Variants in EPHA5 observed in about 807,000 individuals in gnomAD.
The protein encoded by EPHA5 is EPH receptor A5.
In EPHA5, 60 loss-of-function variants were observed where a neutral mutation model predicts 105.0. That is an observed-to-expected ratio of 0.57 (90% confidence interval 0.46 to 0.71). EPHA5 has a LOEUF of 0.71. Among genes scored for constraint, EPHA5 ranks in the 30% least tolerant of loss-of-function variants. EPHA5 has a pLI of 0.00. For synonymous variants in EPHA5, 513 were observed against 449.1 expected (o/e 1.14, Z -1.80); for missense variants, 1,218 against 1,274.7 (o/e 0.96, Z 0.68).
chr4:65,558,319 T>G lies in EPHA5; in HGVS notation c.910+43322A>C, dbSNP rs1738666097. Among the ~76,000 whole-genome samples the G allele has an allele frequency of 1.3e-5, 2 of 152,152 alleles. 1 individual carries two copies. Among genetic ancestry groups the G allele is most frequent in the South Asian group, 4.1e-4 (2 of 4,834 alleles). On this transcript the variant is annotated intron_variant, in intron 3 of 16. Transcript: ENST00000613740. ...CATCAAGTTACATTTAATGTATAAA[T>G]TTTTCACACTTCATTCATAAAAACT... is the stretch of plus-strand genomic sequence containing the variant.
At chr4:65,369,564 G>T (rs1718253737) in intron 8 of EPHA5, among the ~76,000 whole-genome samples, 1 of 152,082 alleles carries the variant, frequency 6.6e-6, no homozygotes, top group Non-Finnish European at 1.5e-5. Flanking sequence ...TAAAATATAT[G>T]TATATTTTGA....
intron 5 of EPHA5, among the ~76,000 whole-genome samples, chr4:65,455,894 C>T (rs993663801): frequency 3.3e-5 from 5 of 152,134 alleles, no homozygotes; most frequent in African/African-American, 1.2e-4. Context: ...ACATTATGCC[C>T]ATAGTAAGAA....
At chr4:65,611,466 C>T (rs1300049787) in intron 2 of EPHA5, among the ~76,000 whole-genome samples, 2 of 149,512 alleles carry the variant, frequency 1.3e-5, no homozygotes, top group African/African-American at 2.5e-5. Context: ...GTAGATTAGC[C>T]TTTGGTGCAC....
intron 5 of EPHA5, among the ~76,000 whole-genome samples, chr4:65,456,120 A>G (rs1263317934): frequency 6.6e-6 from 1 of 152,194 alleles, no homozygotes; most frequent in African/African-American, 2.4e-5. Flanking sequence ...TTGAATCCGT[A>G]TGAATAACTA....
intron 7 of EPHA5, among the ~76,000 whole-genome samples, chr4:65,407,851 G>C (rs1722512837): frequency 1.3e-5 from 2 of 151,822 alleles, no homozygotes; most frequent in Admixed American, 1.3e-4. Context: ...TGCTGCCAGG[G>C]CTCATGTGAT....
chr4:65,534,955 A>T (rs1362254508), intron 3 of EPHA5, among the ~76,000 whole-genome samples: 2 of 152,164 alleles, frequency 1.3e-5, no homozygotes, highest in African/African-American at 4.8e-5. Flanking sequence ...CAGCCAGGTA[A>T]AATATGTTAT....
Position 65,669,738 on chromosome 4 carries a change from C to T in EPHA5, c.5G>A (p.Arg2Gln), listed in dbSNP as rs538762829. 4.0e-6 allele frequency: 5 copies of T among 1,258,276 alleles called. No individual in the cohort carries two copies. Among genetic ancestry groups the T allele is most frequent in the Non-Finnish European group, 5.0e-6 (5 of 1,000,730 alleles). 77.9% of individuals were successfully genotyped at this position (1,258,276 alleles called of 1,614,324 possible). The change falls in exon 1 of 17, where the codon CGG becomes CAG. Residue 2 changes from arginine to glutamine, a missense_variant. Coordinates refer to ENST00000613740, the MANE Select transcript of EPHA5 (RefSeq NM_001281766.3). M[R>Q]GSGPRGAGRR... Reference sequence around the variant, plus strand: ...TCCCGCACCCCGGGGCCCCGAGCCCCGCATCTTCTCCGAGCCTCCTCCGGT... The same window carrying T: ...TCCCGCACCCCGGGGCCCCGAGCCCTGCATCTTCTCCGAGCCTCCTCCGGT...
intron 2 of EPHA5, among the ~76,000 whole-genome samples, chr4:65,633,518 T>C (rs2149494918): frequency 6.6e-6 from 1 of 152,092 alleles, no homozygotes; most frequent in Admixed American, 6.6e-5. Context: ...AAAATAATTA[T>C]ACTCACATAC....
intron 7 of EPHA5, among the ~76,000 whole-genome samples, chr4:65,409,236 T>C (rs1722677155): frequency 7.8e-6 from 1 of 128,754 alleles, no homozygotes. Context: ...ATATACCTAA[T>C]GCTAGATGAC....
At chr4:65,430,144 G>T (rs1724837086) in intron 5 of EPHA5, among the ~76,000 whole-genome samples, 1 of 151,986 alleles carries the variant, frequency 6.6e-6, no homozygotes, top group Non-Finnish European at 1.5e-5. Context: ...GGAAATATCT[G>T]CTGCTCAAGT....
chr4:65,415,403 T>C (rs937081681), intron 6 of EPHA5, among the ~76,000 whole-genome samples: 5 of 152,084 alleles, frequency 3.3e-5, no homozygotes, highest in Non-Finnish European at 5.9e-5. Flanking sequence ...TTATTTTAAA[T>C]ATTTGTAATT....
chr4:65,574,972 A>G (rs1373908270), intron 3 of EPHA5, among the ~76,000 whole-genome samples: 1 of 151,776 alleles, frequency 6.6e-6, no homozygotes, highest in African/African-American at 2.4e-5. Flanking sequence ...CTTTCTAGTG[A>G]TACAGTGAGG....
In EPHA5 at chr4:65,470,867, T is replaced by C. The variant is rs569668718; in HGVS notation, c.1402+19510A>G. ...TATTTGAGCCCTTGTGGATGAACTG[T>C]AACCTAACTTAATAGATAGACAATA... On this transcript the variant is annotated intron_variant, in intron 5 of 16. Coordinates refer to ENST00000613740, the MANE Select transcript of EPHA5 (RefSeq NM_001281766.3). Among the ~76,000 whole-genome samples the C allele has an allele frequency of 2.6e-4, 40 of 152,290 alleles. 1 individual carries two copies. Among genetic ancestry groups the C allele is most frequent in the South Asian group, 2.1e-4 (1 of 4,830 alleles).
At chr4:65,466,608 A>G (rs1728743003) in intron 5 of EPHA5, among the ~76,000 whole-genome samples, 1 of 152,206 alleles carries the variant, frequency 6.6e-6, no homozygotes, top group African/African-American at 2.4e-5. Context: ...TTATGACATA[A>G]TGGTGGTTTG....
At position 65,322,651 on chromosome 4, in the gene EPHA5, T is replaced by C. The variant is rs539581990; in HGVS notation, c.*1463A>G. 4 of 225,818 alleles carry C rather than the reference T, an allele frequency of 1.8e-5. No homozygotes were observed. The highest frequency in any genetic ancestry group is 3.6e-4 in the South Asian group (2 of 5,480). The allele number at this position is 225,818 out of a possible 1,614,324, so 14.0% of individuals were successfully genotyped here. Reference sequence around the variant, plus strand: ...GTATATAGAGCATACATAGAAGATATGTTATATTCCTTAATAAGCCTAATT... The same window carrying C: ...GTATATAGAGCATACATAGAAGATACGTTATATTCCTTAATAAGCCTAATT... On this transcript the variant is annotated 3_prime_UTR_variant, in exon 17 of 17. Coordinates refer to ENST00000613740, the MANE Select transcript of EPHA5 (RefSeq NM_001281766.3).
Position 65,322,553 on chromosome 4 carries a change from AGG to A in EPHA5, c.*1559_*1560del, listed in dbSNP as rs1719718420. ...ATAATACAAAAATGTTGGTTATCTC[AGG>A]AGCTCAGTTTTGGACAATTTCTAAT... On this transcript the variant is annotated 3_prime_UTR_variant, in exon 17 of 17. Coordinates refer to ENST00000613740, the MANE Select transcript of EPHA5 (RefSeq NM_001281766.3). 4.5e-6 allele frequency: 1 copy of A among 224,628 alleles called. No homozygotes were observed. Among genetic ancestry groups the A allele is most frequent in the Non-Finnish European group, 8.9e-6 (1 of 112,630 alleles). 13.9% of individuals were successfully genotyped at this position (224,628 alleles called of 1,614,324 possible). A position where few individuals can be genotyped will look rare whatever the true frequency, so the allele number is the denominator to read the frequency against.
At chr4:65,608,137 C>T (rs956944030) in intron 2 of EPHA5, among the ~76,000 whole-genome samples, 2 of 152,078 alleles carry the variant, frequency 1.3e-5, no homozygotes, top group African/African-American at 2.4e-5. Context: ...CACCATGGCA[C>T]GTGTATTACC....
intron 3 of EPHA5, among the ~76,000 whole-genome samples, chr4:65,568,253 T>A (rs1324615992): frequency 6.6e-6 from 1 of 151,470 alleles, no homozygotes; most frequent in African/African-American, 2.4e-5. Flanking sequence ...GTGGTTCCAA[T>A]AATAATTGTT....
chr4:65,590,962 G>A (rs1426675917), intron 3 of EPHA5, among the ~76,000 whole-genome samples: 5 of 151,978 alleles, frequency 3.3e-5, no homozygotes, highest in Admixed American at 6.6e-5. Flanking sequence ...AGTAAAATAC[G>A]ATTCTAAGGC....
Sources: allele counts gnomAD v4.1 joint callset (sites outside exome capture counted in the v4.1 genomes callset), GRCh38; gene constraint gnomAD v4.1.1; transcripts MANE v1.5; gene names NCBI Gene and HGNC (gene_info 2026-07-23, HGNC 2026-07-21).